The following PTPN12 variants were observed in gnomAD, a reference collection of about 807,000 sequenced individuals.
PTPN12 encodes tyrosine-protein phosphatase non-receptor type 12.
A neutral mutation model predicts 97.6 loss-of-function variants in PTPN12; 29 were observed. The ratio of observed to expected loss-of-function variants is 0.30; its 90% CI spans 0.22 to 0.41. PTPN12 has a LOEUF of 0.41. PTPN12 is among the 10% of genes least tolerant of loss of function. The pLI is 1.00. For missense variants in PTPN12, 819 were observed against 926.0 expected (o/e 0.88, Z 1.50); for synonymous variants, 327 against 300.4 (o/e 1.09, Z -0.91).
At chr7:77,537,812 A>G (rs1407231559) in intron 1 of PTPN12, among the ~76,000 whole-genome samples, 167 bp downstream of exon 1, 1 of 151,604 alleles carries the variant, frequency 6.6e-6, no homozygotes, top group African/African-American at 2.4e-5. Flanking sequence ...GGGAGGCGAG[A>G]GCGCCTCCCC....
chr7:77,602,620 T>TAA (rs373802864), intron 8 of PTPN12, among the ~76,000 whole-genome samples: 3 of 143,524 alleles, frequency 2.1e-5, no homozygotes, highest in South Asian at 4.4e-4. Flanking sequence ...CCCTATCTTT[T>TAA]AAAAAAAAAA....
At position 77,611,062 on chromosome 7, in the gene PTPN12, C is replaced by T. The variant is rs1227714970; in HGVS notation, c.939+16C>T. The T allele has an allele frequency of 6.3e-7, 1 of 1,575,018 alleles. No individual in the cohort carries two copies. The highest frequency in any genetic ancestry group is 8.7e-7 in the Non-Finnish European group (1 of 1,153,012). ...TGATGGAGTGGTAGGTGTTCTTGGT[C>T]TATTAATTTTAGGAAACTTTTACTC... On this transcript the variant is annotated intron_variant, in intron 11 of 17. Transcript: ENST00000248594.
chr7:77,537,752 C>G, intron 1 of PTPN12, 107 bp downstream of exon 1: 4 of 1,196,016 alleles, frequency 3.3e-6, no homozygotes. Context: ...AGGAGAGGGG[C>G]GGAGGGGGCG....
chr7:77,626,806 C>T lies in PTPN12; in HGVS notation c.1127C>T (p.Thr376Ile). Residue 376 changes from threonine (T) to isoleucine (I), a missense_variant, in exon 13 of 18, where the codon ACA (threonine) becomes ATA (isoleucine). By Grantham distance (89) the Thr-to-Ile change is moderately conservative. Transcript: ENST00000248594. ...LTPSPPSAFP[T>I]VTTVWQDNDR... ...CCTTCTCCCCCTTCAGCTTTTCCAA[C>T]AGTCACTACTGTGTGGCAGGACAAT... The T allele has an allele frequency of 1.2e-6, 2 of 1,614,058 alleles. No individual in the cohort carries two copies. Among genetic ancestry groups the T allele is most frequent in the Non-Finnish European group, 8.5e-7 (1 of 1,179,934 alleles).
At chr7:77,622,939 T>C (rs1183123236) in intron 12 of PTPN12, among the ~76,000 whole-genome samples, 2 of 146,224 alleles carry the variant, frequency 1.4e-5, no homozygotes. Context: ...ATAAGGAAAT[T>C]AGAAAGCAAA....
intron 1 of PTPN12, among the ~76,000 whole-genome samples, chr7:77,543,399 G>A (rs1807077805): frequency 7.8e-6 from 1 of 127,996 alleles, no homozygotes; most frequent in South Asian, 2.5e-4. Context: ...ATTATTTCTT[G>A]TCTATGTGTA....
chr7:77,540,286 G>A (rs1288895550), intron 1 of PTPN12, among the ~76,000 whole-genome samples: 2 of 146,628 alleles, frequency 1.4e-5, no homozygotes, highest in Admixed American at 6.9e-5. Flanking sequence ...CGCCCAGGTT[G>A]GAGTGCAGTG....
At chr7:77,558,247 AAAAG>A (rs1807817216) in intron 1 of PTPN12, among the ~76,000 whole-genome samples, 1 of 151,958 alleles carries the variant, frequency 6.6e-6, no homozygotes, top group Non-Finnish European at 1.5e-5. Context: ...AAAAGAAAGA[AAAAG>A]AAAATGGTAA....
At chr7:77,606,596 A>G (rs570902320) in intron 8 of PTPN12, among the ~76,000 whole-genome samples, 20 of 152,374 alleles carry the variant, frequency 1.3e-4, no homozygotes, top group Non-Finnish European at 2.5e-4. Flanking sequence ...ATAGAAGACA[A>G]TAGGCCTTCC....
chr7:77,563,351 C>A (rs748286313), intron 1 of PTPN12, among the ~76,000 whole-genome samples: 1 of 152,076 alleles, frequency 6.6e-6, no homozygotes, highest in Non-Finnish European at 1.5e-5. Context: ...ATAGAAGATA[C>A]GGTCTAAATC....
At chr7:77,599,143 C>G (rs12535929) in intron 7 of PTPN12, among the ~76,000 whole-genome samples, 5,325 of 151,814 alleles carry the variant, frequency 0.035, 154 homozygotes, top group Middle Eastern at 0.052. Flanking sequence ...AATAGTTATA[C>G]CTTCTTTGCA....
chr7:77,587,447 A>G (rs1282476820), intron 5 of PTPN12, among the ~76,000 whole-genome samples: 1 of 152,148 alleles, frequency 6.6e-6, no homozygotes, highest in Non-Finnish European at 1.5e-5. Context: ...ACCATGCAAT[A>G]GGGATGGGCT....
At chr7:77,549,027 C>CA (rs1417793023) in intron 1 of PTPN12, among the ~76,000 whole-genome samples, 11 of 152,194 alleles carry the variant, frequency 7.2e-5, no homozygotes, top group Non-Finnish European at 7.3e-5. Context: ...TAACCTGTCT[C>CA]ATTCACTTTT....
intron 11 of PTPN12, among the ~76,000 whole-genome samples, chr7:77,616,470 G>C (rs1490972306): frequency 1.3e-5 from 2 of 152,126 alleles, no homozygotes; most frequent in East Asian, 3.8e-4. Context: ...CATTTCACTA[G>C]ATGTCCACAT....
intron 7 of PTPN12, among the ~76,000 whole-genome samples, chr7:77,599,650 T>G (rs1478673574): frequency 6.6e-6 from 1 of 152,152 alleles, no homozygotes; most frequent in Non-Finnish European, 1.5e-5. Flanking sequence ...TGAATTTCTG[T>G]GGTAGATCAG....
chr7:77,563,013 T>C (rs1474329786), intron 1 of PTPN12, among the ~76,000 whole-genome samples: 1 of 152,096 alleles, frequency 6.6e-6, no homozygotes, highest in Non-Finnish European at 1.5e-5. Flanking sequence ...ATTTAGTTTA[T>C]GATTTGCCAT....
At chr7:77,607,400 A>AC in intron 9 of PTPN12, 99 bp downstream of exon 9, 3 of 907,736 alleles carry the variant, frequency 3.3e-6, no homozygotes, top group South Asian at 1.6e-5. Context: ...TTTATTATAC[A>AC]TGTTATTTTT....
chr7:77,623,458 C>G (rs564379008), intron 12 of PTPN12, among the ~76,000 whole-genome samples: 2 of 152,354 alleles, frequency 1.3e-5, no homozygotes, highest in African/African-American at 4.8e-5. Context: ...CACCTGTAAT[C>G]CCAGCATTTT....
chr7:77,609,221 A>AAAAAT lies in PTPN12; in HGVS notation c.763-1529_763-1525dup, dbSNP rs537891331. On this transcript the variant is annotated intron_variant, in intron 9 of 17. Coordinates refer to ENST00000248594, the MANE Select transcript of PTPN12 (RefSeq NM_002835.4). ...GGTGACAGAGCAAGACTCCGTCTCA[A>AAAAAT]AAAATAAAATAAAATAAAAGTTGTG... 5.5e-3 allele frequency among the ~76,000 whole-genome samples: 831 copies of AAAAAT among 152,134 alleles called. 4 individuals are homozygous for AAAAAT. The highest frequency in any genetic ancestry group is 8.1e-3 in the Non-Finnish European group (548 of 67,976).
Sources: allele counts gnomAD v4.1 joint callset (sites outside exome capture counted in the v4.1 genomes callset), GRCh38; gene constraint gnomAD v4.1.1; transcripts MANE v1.5; gene names NCBI Gene and HGNC (gene_info 2026-07-23, HGNC 2026-07-21).